TSPEAR: variants seen among roughly 807,000 people sequenced by gnomAD.
TSPEAR encodes the protein thrombospondin-type laminin G domain and EAR repeat-containing protein.
Under a neutral mutation model 71.6 loss-of-function variants are expected in TSPEAR, and 69 were observed. The observed-to-expected ratio is 0.96, with a 90% CI of 0.79 to 1.18. The LOEUF is 1.18. TSPEAR is among the 50% of genes most tolerant of loss of function. TSPEAR has a pLI of 0.00. For synonymous variants in TSPEAR, 402 were observed against 387.2 expected (o/e 1.04, Z -0.45); for missense variants, 971 against 894.9 (o/e 1.09, Z -1.09).
chr21:44,646,551 C>T (rs1555939798), intron 1 of TSPEAR: 1 of 1,612,536 alleles, frequency 6.2e-7, no homozygotes, highest in East Asian at 2.2e-5. Context: ...AGCCCCCCTG[C>T]AGCGCCCCCA....
At chr21:44,522,137 G>GTGACAT in intron 8 of TSPEAR, 25 bp from the exon 9 acceptor site, 1 of 1,605,040 alleles carries the variant, frequency 6.2e-7, no homozygotes. Flanking sequence ...CTGTGCTGGG[G>GTGACAT]GCAGGGAGGC....
intron 2 of TSPEAR, among the ~76,000 whole-genome samples, chr21:44,534,440 TG>T (rs2053052473): frequency 4.7e-5 from 1 of 21,070 alleles, no homozygotes; most frequent in Non-Finnish European, 9.0e-5. Context: ...GCAGGGTTGG[TG>T]TGAGGGGGCG....
At chr21:44,503,006 G>C (rs1479379255) in intron 11 of TSPEAR, among the ~76,000 whole-genome samples, 6 of 135,904 alleles carry the variant, frequency 4.4e-5, no homozygotes, top group African/African-American at 1.6e-4. Context: ...CAAGGTGCTG[G>C]GAGGAAGCCG....
At chr21:44,707,464 G>C (rs1987992367) in intron 1 of TSPEAR, among the ~76,000 whole-genome samples, 1 of 152,208 alleles carries the variant, frequency 6.6e-6, no homozygotes, top group Non-Finnish European at 1.5e-5. Flanking sequence ...TGTGCGGCTC[G>C]TTATCCTGGA....
At chr21:44,689,708 AATGAATAT>A (rs1219470619) in intron 1 of TSPEAR, among the ~76,000 whole-genome samples, 696 of 38,498 alleles carry the variant, frequency 0.018, 95 homozygotes, top group East Asian at 0.062. Flanking sequence ...GACAGAATAG[AATGAATAT>A]ATATATATAT....
chr21:44,678,536 T>C (rs1302423300), intron 1 of TSPEAR, among the ~76,000 whole-genome samples: 1 of 152,162 alleles, frequency 6.6e-6, no homozygotes, highest in East Asian at 1.9e-4. Context: ...ACCTCTTTTC[T>C]TTATAAATTA....
intron 1 of TSPEAR, among the ~76,000 whole-genome samples, chr21:44,634,072 C>T (rs1302747177): frequency 2.0e-5 from 3 of 152,108 alleles, no homozygotes; most frequent in African/African-American, 7.2e-5. Context: ...GAGTAAGACC[C>T]TGGTCCCTAA....
At chr21:44,537,978 C>T (rs1569172302) in intron 2 of TSPEAR, among the ~76,000 whole-genome samples, 1 of 152,226 alleles carries the variant, frequency 6.6e-6, no homozygotes, top group Non-Finnish European at 1.5e-5. Flanking sequence ...CCCCCAGCCA[C>T]TGAGGGCCCT....
intron 9 of TSPEAR, chr21:44,510,817 A>C (rs1413195539): frequency 6.6e-6 from 1 of 152,262 alleles, no homozygotes; most frequent in East Asian, 1.9e-4. Flanking sequence ...TAAGCTAAGA[A>C]AGCAAGACTC....
intron 10 of TSPEAR, among the ~76,000 whole-genome samples, chr21:44,505,989 C>T (rs1555911876): frequency 6.6e-6 from 1 of 152,198 alleles, no homozygotes; most frequent in African/African-American, 2.4e-5. Context: ...GAAATGGCGT[C>T]ACAGTGCTGT....
intron 1 of TSPEAR, among the ~76,000 whole-genome samples, chr21:44,586,875 C>A (rs587598071): frequency 1.3e-5 from 2 of 152,276 alleles, no homozygotes; most frequent in East Asian, 3.9e-4. Context: ...AATCAACATA[C>A]AAGGGACATA....
chr21:44,641,974 CCA>C (rs1308271701), intron 1 of TSPEAR, among the ~76,000 whole-genome samples: 2 of 152,058 alleles, frequency 1.3e-5, no homozygotes, highest in Admixed American at 6.5e-5. Flanking sequence ...CCACAAAAAT[CCA>C]CAGACACCCA....
chr21:44,615,549 G>T (rs1366193771), intron 1 of TSPEAR, among the ~76,000 whole-genome samples: 7 of 136,526 alleles, frequency 5.1e-5, no homozygotes, highest in Admixed American at 7.2e-5. Context: ...ATAACCAAAG[G>T]TTTTTTTTTT....
chr21:44,505,271 G>T (rs2052167172), intron 10 of TSPEAR, among the ~76,000 whole-genome samples: 1 of 151,892 alleles, frequency 6.6e-6, no homozygotes, highest in Non-Finnish European at 1.5e-5. Context: ...TACAGACAGG[G>T]TTTCACCATG....
At chr21:44,651,317 T>C (rs1363571569) in intron 1 of TSPEAR, among the ~76,000 whole-genome samples, 2 of 152,146 alleles carry the variant, frequency 1.3e-5, no homozygotes, top group East Asian at 1.9e-4. Flanking sequence ...GACCACGCAG[T>C]GTGTAGAAAC....
chr21:44,573,659 G>A, intron 1 of TSPEAR: 4 of 1,543,322 alleles, frequency 2.6e-6, no homozygotes, highest in Non-Finnish European at 3.5e-6. Context: ...ATGCACCAAG[G>A]AGGAGTATAA....
chr21:44,556,898 C>T (rs587730111), intron 2 of TSPEAR, among the ~76,000 whole-genome samples: 42 of 152,264 alleles, frequency 2.8e-4, no homozygotes, highest in Non-Finnish European at 5.7e-4. Flanking sequence ...AAGGGAACTT[C>T]CCGGCCACCT....
intron 1 of TSPEAR, among the ~76,000 whole-genome samples, chr21:44,576,076 G>C (rs1252265739): frequency 3.9e-5 from 6 of 152,190 alleles, no homozygotes; most frequent in African/African-American, 1.2e-4. Context: ...GTAACCACTG[G>C]AAGAAGTGCC....
At chr21:44,596,298 T>C (rs1211089) in intron 1 of TSPEAR, among the ~76,000 whole-genome samples, 10,409 of 152,236 alleles carry the variant, frequency 0.068, 468 homozygotes, top group East Asian at 0.2. Flanking sequence ...ATTATGACCT[T>C]ATGTAATGGG....
Sources: allele counts gnomAD v4.1 joint callset (sites outside exome capture counted in the v4.1 genomes callset), GRCh38; gene constraint gnomAD v4.1.1; transcripts MANE v1.5; gene names NCBI Gene and HGNC (gene_info 2026-07-23, HGNC 2026-07-21).